CNNM2: variants seen among roughly 807,000 people sequenced by gnomAD.
CNNM2 encodes metal transporter CNNM2.
In CNNM2, 12 loss-of-function variants were observed where a neutral mutation model predicts 66.9. The ratio of observed to expected loss-of-function variants is 0.18; its 90% CI spans 0.11 to 0.29. The LOEUF (loss-of-function observed/expected upper bound fraction) is 0.29, where lower values mean the gene tolerates loss of function less well. Among genes scored for constraint, CNNM2 ranks in the 10% least tolerant of loss-of-function variants. CNNM2 has a pLI of 1.00. For synonymous variants in CNNM2, 557 were observed against 501.8 expected (o/e 1.11, Z -1.47); for missense variants, 705 against 1,167.7 (o/e 0.60, Z 5.77).
intron 1 of CNNM2, among the ~76,000 whole-genome samples, chr10:102,987,017 A>G (rs1590352815): frequency 6.6e-6 from 1 of 152,112 alleles, no homozygotes; most frequent in African/African-American, 2.4e-5. Context: ...TAGTAAGACA[A>G]CATTGCCAAG....
chr10:102,931,340 A>G (rs1318684895), intron 1 of CNNM2, among the ~76,000 whole-genome samples: 2 of 147,770 alleles, frequency 1.4e-5, no homozygotes, highest in East Asian at 4.0e-4. Flanking sequence ...GAGTGTGGAC[A>G]TGTATTTCCT....
intron 1 of CNNM2, among the ~76,000 whole-genome samples, chr10:103,014,763 A>AT (rs1383100580): frequency 6.6e-6 from 1 of 152,162 alleles, no homozygotes; most frequent in African/African-American, 2.4e-5. Context: ...GCAGTGGCTC[A>AT]TGCCTATAAT....
intron 6 of CNNM2, among the ~76,000 whole-genome samples, chr10:103,073,936 T>A (rs2065645733): frequency 6.7e-6 from 1 of 149,578 alleles, no homozygotes; most frequent in Non-Finnish European, 1.5e-5. Flanking sequence ...GGGTACCTAC[T>A]GTTGTCAGAT....
chr10:103,030,863 A>G (rs1053543048), intron 1 of CNNM2, among the ~76,000 whole-genome samples: 7 of 152,226 alleles, frequency 4.6e-5, no homozygotes, highest in Admixed American at 1.3e-4. Flanking sequence ...AGATGTCATT[A>G]GTATAAGGAT....
rs12416483 is a variant in CNNM2 at position 103,048,302 on chromosome 10, G to T, written c.1622-1405G>T. Among the ~76,000 whole-genome samples, 20,825 of 144,540 alleles carry T rather than the reference G, an allele frequency of 0.14. 1,616 individuals are homozygous for T. The highest frequency in any genetic ancestry group is 0.2 in the East Asian group (979 of 4,858). 94.8% of individuals were successfully genotyped at this position (144,540 alleles called of 152,430 possible). ...ACAATCTCGGCTCACTGCAACCTCC[G>T]CCTCCCAGATTCAAGTGATTCTCCC... On this transcript the variant is annotated intron_variant, in intron 1 of 7. Coordinates refer to ENST00000369878, the MANE Select transcript of CNNM2 (RefSeq NM_017649.5).
chr10:102,949,333 G>A (rs1054097339), intron 1 of CNNM2, among the ~76,000 whole-genome samples: 1 of 151,660 alleles, frequency 6.6e-6, no homozygotes, highest in South Asian at 2.1e-4. Context: ...ATGCCACCAC[G>A]CCTGGCTAAT....
intron 1 of CNNM2, among the ~76,000 whole-genome samples, chr10:102,980,947 G>A (rs1443795083): frequency 6.6e-6 from 1 of 152,062 alleles, no homozygotes; most frequent in African/African-American, 2.4e-5. Context: ...AAATACATCA[G>A]GTTATGCATC....
chr10:103,026,936 C>CT (rs1398667591), intron 1 of CNNM2, among the ~76,000 whole-genome samples: 3 of 152,150 alleles, frequency 2.0e-5, no homozygotes, highest in Non-Finnish European at 4.4e-5. Flanking sequence ...TGGTACAGTG[C>CT]TTAGCATATA....
chr10:103,021,251 G>A (rs909765664), intron 1 of CNNM2, among the ~76,000 whole-genome samples: 4 of 152,122 alleles, frequency 2.6e-5, no homozygotes, highest in Admixed American at 1.3e-4. Context: ...CCTCCCTGAC[G>A]AAGGAGACAG....
chr10:102,994,945 A>G (rs1312222898), intron 1 of CNNM2, among the ~76,000 whole-genome samples: 1 of 152,152 alleles, frequency 6.6e-6, no homozygotes, highest in Non-Finnish European at 1.5e-5. Context: ...CAGACGACCT[A>G]CAAAGAAAGG....
intron 1 of CNNM2, among the ~76,000 whole-genome samples, chr10:103,002,479 CTTT>C (rs34131768): frequency 2.9e-5 from 4 of 136,250 alleles, no homozygotes; most frequent in Non-Finnish European, 3.1e-5. Flanking sequence ...AGACTGGAAT[CTTT>C]TTTTTTTTTT....
intron 1 of CNNM2, among the ~76,000 whole-genome samples, chr10:103,028,678 T>G (rs987966141): frequency 6.6e-6 from 1 of 152,130 alleles, no homozygotes; most frequent in African/African-American, 2.4e-5. Flanking sequence ...AGTCACTGAT[T>G]GGCCTTGTTT....
intron 1 of CNNM2, among the ~76,000 whole-genome samples, chr10:103,015,456 T>C (rs1417670994): frequency 7.1e-6 from 1 of 140,086 alleles, no homozygotes; most frequent in East Asian, 2.2e-4. Flanking sequence ...ATGTAATAAT[T>C]TGGATTGATT....
At chr10:103,055,358 C>G (rs1338323407) in intron 3 of CNNM2, among the ~76,000 whole-genome samples, 1 of 152,224 alleles carries the variant, frequency 6.6e-6, no homozygotes, top group African/African-American at 2.4e-5. Flanking sequence ...TGCTGTTTAA[C>G]TCTTTAAGGT....
intron 1 of CNNM2, among the ~76,000 whole-genome samples, chr10:103,042,185 C>T (rs1005734420): frequency 6.6e-6 from 1 of 152,208 alleles, no homozygotes; most frequent in Non-Finnish European, 1.5e-5. Context: ...CACCCGCTAT[C>T]CAGTCCATCA....
chr10:102,947,648 G>C (rs2134187056), intron 1 of CNNM2, among the ~76,000 whole-genome samples: 1 of 152,268 alleles, frequency 6.6e-6, no homozygotes, highest in South Asian at 2.1e-4. Context: ...CTACTTGGGA[G>C]GCTGAGGCAG....
chr10:102,996,445 C>T (rs1199931906), intron 1 of CNNM2, among the ~76,000 whole-genome samples: 1 of 152,186 alleles, frequency 6.6e-6, no homozygotes, highest in Non-Finnish European at 1.5e-5. Flanking sequence ...CAGCTCACGC[C>T]TGTAATCCCA....
At chr10:103,044,326 C>T (rs1189066547) in intron 1 of CNNM2, among the ~76,000 whole-genome samples, 2 of 152,020 alleles carry the variant, frequency 1.3e-5, no homozygotes, top group Non-Finnish European at 2.9e-5. Flanking sequence ...TTGGGAGGCC[C>T]ATGTGGATCA....
rs80257117 is a variant in CNNM2, at chr10:102,943,503, A to T, written c.1621+23402A>T. ...GTAGGAGATACACTGAAATGTTAAT[A>T]AAAATGAGGTGATATCTATATGCAT... is the stretch of plus-strand genomic sequence containing the variant. On this transcript the variant is annotated intron_variant, in intron 1 of 7. Transcript: ENST00000369878. Among the ~76,000 whole-genome samples, 603 of 152,332 alleles carry T rather than the reference A, an allele frequency of 4.0e-3. 20 individuals are homozygous for T. The East Asian group carries it at 0.072, about 18-fold the overall frequency.
Sources: allele counts gnomAD v4.1 joint callset (sites outside exome capture counted in the v4.1 genomes callset), GRCh38; gene constraint gnomAD v4.1.1; transcripts MANE v1.5; gene names NCBI Gene and HGNC (gene_info 2026-07-23, HGNC 2026-07-21).